FUT9: variants seen among roughly 807,000 people sequenced by gnomAD.
FUT9 encodes the protein fucosyltransferase 9.
FUT9 carries 15 observed loss-of-function variants against 29.7 expected under a neutral mutation model. That is an observed-to-expected ratio of 0.51 (90% confidence interval 0.34 to 0.78). The LOEUF (loss-of-function observed/expected upper bound fraction) is 0.78. Ranked by LOEUF, FUT9 falls within the 30% of genes least tolerant of loss-of-function variation. The pLI is 0.01. For synonymous variants in FUT9, 169 were observed against 153.7 expected (o/e 1.10, Z -0.74); for missense variants, 319 against 425.4 (o/e 0.75, Z 2.20).
intron 2 of FUT9, among the ~76,000 whole-genome samples, chr6:96,122,714 T>C (rs1772051817): frequency 6.6e-6 from 1 of 152,066 alleles, no homozygotes; most frequent in South Asian, 2.1e-4. Context: ...TAAATATTTG[T>C]CAAATATTTT....
chr6:96,109,468 T>A lies in FUT9; in HGVS notation c.-97-4571T>A, dbSNP rs147999586. On this transcript the variant is annotated intron_variant, in intron 1 of 2. Coordinates refer to ENST00000302103, the MANE Select transcript of FUT9 (RefSeq NM_006581.4). ...CCCAAATTTACTAAAGTATCTTGCA[T>A]AAAGATCTATATTTTATTATTTAAA... Among the ~76,000 whole-genome samples, 456 of 152,286 alleles carry A rather than the reference T, an allele frequency of 3.0e-3. 1 individual carries two copies. The highest frequency in any genetic ancestry group is 0.01 in the African/African-American group (427 of 41,574).
chr6:96,080,852 T>C (rs183794013), intron 1 of FUT9, among the ~76,000 whole-genome samples: 2 of 152,120 alleles, frequency 1.3e-5, no homozygotes, highest in Non-Finnish European at 2.9e-5. Context: ...ATCTCAAAAA[T>C]GGCAAGTCCA....
At chr6:96,045,017 C>A (rs1770538686) in intron 1 of FUT9, among the ~76,000 whole-genome samples, 2 of 152,152 alleles carry the variant, frequency 1.3e-5, no homozygotes, top group Non-Finnish European at 2.9e-5. Flanking sequence ...GGGAGTCAAT[C>A]TAATTTGGGT....
intron 2 of FUT9, among the ~76,000 whole-genome samples, chr6:96,117,715 G>A (rs952922850): frequency 5.3e-5 from 8 of 152,062 alleles, no homozygotes; most frequent in South Asian, 4.1e-4. Context: ...ATCTTAACTT[G>A]TACCACATCA....
intron 2 of FUT9, among the ~76,000 whole-genome samples, chr6:96,152,513 T>C (rs1772695896): frequency 6.6e-6 from 1 of 152,216 alleles, no homozygotes; most frequent in Non-Finnish European, 1.5e-5. Context: ...ACACGGCAAC[T>C]GCTCAATAAA....
chr6:96,031,441 T>C (rs1226439549), intron 1 of FUT9, among the ~76,000 whole-genome samples: 1 of 151,508 alleles, frequency 6.6e-6, no homozygotes, highest in Admixed American at 6.6e-5. Flanking sequence ...CTGGTGCTAT[T>C]AAGCATTGTA....
intron 1 of FUT9, among the ~76,000 whole-genome samples, chr6:96,070,252 A>T (rs1011389486): frequency 6.6e-6 from 1 of 152,186 alleles, no homozygotes; most frequent in Non-Finnish European, 1.5e-5. Context: ...CTGTGAAGCT[A>T]TTTGAACAAC....
chr6:96,026,483 G>C (rs1482977167), intron 1 of FUT9, among the ~76,000 whole-genome samples: 1 of 151,598 alleles, frequency 6.6e-6, no homozygotes, highest in Admixed American at 6.6e-5. Context: ...AAGTAAAAAT[G>C]TGAGCCTAAA....
At chr6:96,133,889 G>A (rs145030069) in intron 2 of FUT9, among the ~76,000 whole-genome samples, 25 of 151,704 alleles carry the variant, frequency 1.6e-4, no homozygotes, top group East Asian at 1.4e-3. Context: ...TCTAACTATC[G>A]AATAAGGATA....
chr6:96,119,490 T>G (rs1771979286), intron 2 of FUT9, among the ~76,000 whole-genome samples: 1 of 152,200 alleles, frequency 6.6e-6, no homozygotes, highest in Admixed American at 6.5e-5. Flanking sequence ...CATATCTCCA[T>G]CTTTAAGTGA....
rs1280114361 is a variant in FUT9 at position 96,214,233 on chromosome 6, T to G, written c.*9998T>G. On this transcript the variant is annotated 3_prime_UTR_variant, in exon 3 of 3. Coordinates refer to ENST00000302103, the MANE Select transcript of FUT9 (RefSeq NM_006581.4). ...TACAAAGCATGAAGATGTGAAAATA[T>G]CATCTTAACCAGTTTCATTCTATGA... 49 of 166,808 alleles carry G rather than the reference T, an allele frequency of 2.9e-4. No homozygotes were observed. The highest frequency in any genetic ancestry group is 2.7e-3 in the Admixed American group (41 of 15,244). The allele number at this position is 166,808 out of a possible 1,614,324, so 10.3% of individuals were successfully genotyped here. A position where few individuals can be genotyped will look rare whatever the true frequency, so the allele number is the denominator to read the frequency against.
intron 1 of FUT9, among the ~76,000 whole-genome samples, chr6:96,026,320 C>T (rs1366866245): frequency 6.6e-6 from 1 of 151,502 alleles, no homozygotes; most frequent in Non-Finnish European, 1.5e-5. Flanking sequence ...ATTGATGAAC[C>T]TTTCACTAAG....
intron 2 of FUT9, among the ~76,000 whole-genome samples, chr6:96,191,321 G>T (rs1773504648): frequency 1.3e-5 from 2 of 152,010 alleles, no homozygotes; most frequent in Admixed American, 1.3e-4. Context: ...CAACAAAATT[G>T]ATAGACCACT....
At position 96,208,418 on chromosome 6, in the gene FUT9, T is replaced by A. The variant is rs1773874687; in HGVS notation, c.*4183T>A. 1 of 166,854 alleles carries A rather than the reference T, an allele frequency of 6.0e-6. No individual in the cohort carries two copies. The highest frequency in any genetic ancestry group is 2.1e-4 in the South Asian group (1 of 4,830). 10.3% of individuals were successfully genotyped at this position (166,854 alleles called of 1,614,324 possible). ...CTTCTTAACAATTACAATCGAGCTG[T>A]TAAATATAACAAACATCAGAATCTA... On this transcript the variant is annotated 3_prime_UTR_variant, in exon 3 of 3. Coordinates refer to ENST00000302103, the MANE Select transcript of FUT9 (RefSeq NM_006581.4).
At chr6:96,088,808 A>G (rs1771364498) in intron 1 of FUT9, among the ~76,000 whole-genome samples, 1 of 152,024 alleles carries the variant, frequency 6.6e-6, no homozygotes, top group Non-Finnish European at 1.5e-5. Context: ...TATTTTTCCA[A>G]TTCCTTGCAT....
At chr6:96,195,760 A>G in intron 2 of FUT9, among the ~76,000 whole-genome samples, 1 of 152,200 alleles carries the variant, frequency 6.6e-6, no homozygotes, top group South Asian at 2.1e-4. Flanking sequence ...AAATAAAACA[A>G]TAACCAAAAA....
At chr6:96,141,172 A>G (rs533138473) in intron 2 of FUT9, among the ~76,000 whole-genome samples, 2 of 152,280 alleles carry the variant, frequency 1.3e-5, no homozygotes, top group African/African-American at 4.8e-5. Flanking sequence ...CTTTAATGAT[A>G]AGTTTCTTCT....
intron 2 of FUT9, among the ~76,000 whole-genome samples, chr6:96,142,714 A>G (rs900993448): frequency 6.6e-6 from 1 of 152,198 alleles, no homozygotes; most frequent in Admixed American, 6.5e-5. Flanking sequence ...GAAATAGCGA[A>G]TAGAAGGATC....
At chr6:96,200,693 A>G (rs1773712242) in intron 2 of FUT9, among the ~76,000 whole-genome samples, 1 of 152,150 alleles carries the variant, frequency 6.6e-6, no homozygotes, top group South Asian at 2.1e-4. Context: ...TAAAAACATT[A>G]AACATTGGTC....
Sources: gnomAD v4.1 joint callset for allele counts (sites outside exome capture counted in the v4.1 genomes callset) on GRCh38, gnomAD v4.1.1 for gene constraint, MANE v1.5 for transcripts, NCBI Gene and HGNC (gene_info 2026-07-23, HGNC 2026-07-21) for gene names.